Variants in LRP2BP observed in about 807,000 individuals in gnomAD.
LRP2BP encodes the protein LRP2 binding protein.
LRP2BP carries 38 observed loss-of-function variants against 45.2 expected under a neutral mutation model. The ratio of observed to expected loss-of-function variants is 0.84; its 90% CI spans 0.65 to 1.10. The LOEUF (loss-of-function observed/expected upper bound fraction) is 1.10, where lower values mean the gene tolerates loss of function less well. Among genes scored for constraint, LRP2BP ranks in the 50% least tolerant of loss-of-function variants. The pLI, the probability that LRP2BP is intolerant of heterozygous loss-of-function variation, is 0.00. For synonymous variants in LRP2BP, 153 were observed against 153.9 expected, an observed-to-expected ratio of 0.99 and a Z score of 0.04; for missense variants, 385 against 418.9, an observed-to-expected ratio of 0.92 and a Z score of 0.71.
chr4:185,395,556 T>C lies in LRP2BP; in HGVS notation c.-799A>G. The C allele has an allele frequency of 3.1e-6, 3 of 982,348 alleles. No homozygotes were observed. The highest frequency in any genetic ancestry group is 4.7e-5 in the South Asian group (1 of 21,196). The allele number at this position is 982,348 out of a possible 1,614,324, so 60.9% of individuals were successfully genotyped here. Reference sequence around the variant, plus strand: ...CATCATTAAAAGATATTGTGAATAGTTTAAATATTAAAAATGTGGAATATA... The same window carrying C: ...CATCATTAAAAGATATTGTGAATAGCTTAAATATTAAAAATGTGGAATATA... On this transcript the variant is annotated 5_prime_UTR_variant, in exon 1 of 9. Coordinates refer to ENST00000505916, the MANE Select transcript of LRP2BP (RefSeq NM_001377440.1).
In LRP2BP at chr4:185,377,024, T is replaced by C. The variant is rs2095440387; in HGVS notation, c.107-6A>G. The C allele has an allele frequency of 6.3e-7, 1 of 1,583,648 alleles. No homozygotes were observed. Among genetic ancestry groups the C allele is most frequent in the Non-Finnish European group, 8.7e-7 (1 of 1,152,336 alleles). On this transcript the variant is annotated splice_region_variant and splice_polypyrimidine_tract_variant and intron_variant, in intron 2 of 8. Coordinates refer to ENST00000505916, the MANE Select transcript of LRP2BP (RefSeq NM_001377440.1). ...CAAATTAGCATGGGTGTAATCTGAT[T>C]TTAAAAAGGTAAGGAATTCCATCAA...
At chr4:185,396,871 T>A (rs901698461), upstream of LRP2BP, 89 of 1,595,984 alleles carry the variant, frequency 5.6e-5, 1 homozygote, top group South Asian at 5.0e-4. Context: ...GTGCGGCGAG[T>A]GTCTCACCTC....
intron 8 of LRP2BP, among the ~76,000 whole-genome samples, chr4:185,368,730 T>G (rs2095401800): frequency 6.6e-6 from 1 of 152,130 alleles, no homozygotes; most frequent in Non-Finnish European, 1.5e-5. Flanking sequence ...GTATCCTAGT[T>G]GCAGAGTAAT....
At position 185,395,503 on chromosome 4, in the gene LRP2BP, CAGT is replaced by C. The variant is rs2126860921; in HGVS notation, c.-749_-747del. 1.0e-6 allele frequency: 1 copy of C among 985,236 alleles called. No homozygotes were observed. Among genetic ancestry groups the C allele is most frequent in the South Asian group, 4.7e-5 (1 of 21,284 alleles). The allele number at this position is 985,236 out of a possible 1,614,324, so 61.0% of individuals were successfully genotyped here. A position where few individuals can be genotyped will look rare whatever the true frequency, so the allele number is the denominator to read the frequency against. Reference sequence around the variant, plus strand: ...TGTGCTCACCTCACAAATCTGACAACAGTATCTCTACACTGCCGTTCTTTAAAC... The same window carrying C: ...TGTGCTCACCTCACAAATCTGACAACATCTCTACACTGCCGTTCTTTAAAC... On this transcript the variant is annotated 5_prime_UTR_variant, in exon 1 of 9. It adds an upstream start codon to the 5' untranslated region. Transcript: ENST00000505916.
At position 185,364,677 on chromosome 4, in the gene LRP2BP, T is replaced by G. The variant is rs560901570; in HGVS notation, c.*2503A>C. 1 of 152,322 alleles carries G rather than the reference T, an allele frequency of 6.6e-6. No homozygotes were observed. The highest frequency in any genetic ancestry group is 2.1e-4 in the South Asian group (1 of 4,830). 9.4% of individuals were successfully genotyped at this position (152,322 alleles called of 1,614,324 possible). ...TAGTTATAGCTTTTTTATCCTTTTT[T>G]CAAACCATGATGATATTTGACACTT... On this transcript the variant is annotated 3_prime_UTR_variant, in exon 9 of 9. Coordinates refer to ENST00000505916, the MANE Select transcript of LRP2BP (RefSeq NM_001377440.1).
chr4:185,375,455 CAAAAAAAAAAAAAAAA>C (rs1193760497), intron 4 of LRP2BP, among the ~76,000 whole-genome samples, 142 bp downstream of exon 4: 3 of 14,768 alleles, frequency 2.0e-4, no homozygotes, highest in East Asian at 4.5e-3. Flanking sequence ...GACTCCGTCT[CAAAAAAAAAAAAAAAA>C]AAAAAAAAAA....
chr4:185,395,494 A>ATC lies in LRP2BP; in HGVS notation c.-739_-738dup. The ATC allele has an allele frequency of 1.0e-6, 1 of 985,310 alleles. No individual in the cohort carries two copies. Among genetic ancestry groups the ATC allele is most frequent in the Non-Finnish European group, 1.2e-6 (1 of 829,772 alleles). 61.0% of individuals were successfully genotyped at this position (985,310 alleles called of 1,614,324 possible). On this transcript the variant is annotated 5_prime_UTR_variant, in exon 1 of 9. An upstream open reading frame in the 5' UTR gains an earlier in-frame stop. Transcript: ENST00000505916. Reference sequence around the variant, plus strand: ...ATATCAACGTGTGCTCACCTCACAAATCTGACAACAGTATCTCTACACTGC... The same window carrying ATC: ...ATATCAACGTGTGCTCACCTCACAAATCTCTGACAACAGTATCTCTACACTGC...
rs1402713455 is a variant in LRP2BP at position 185,366,131 on chromosome 4, T to C, written c.*1049A>G. 1 of 152,262 alleles carries C rather than the reference T, an allele frequency of 6.6e-6. No individual in the cohort carries two copies. The highest frequency in any genetic ancestry group is 1.5e-5 in the Non-Finnish European group (1 of 68,050). The allele number at this position is 152,262 out of a possible 1,614,324, so 9.4% of individuals were successfully genotyped here. ...GTATCTCTGAGACCTGTCTTCGATA[T>C]GTATATTTGTTTCACAAATGAATAG... On this transcript the variant is annotated 3_prime_UTR_variant, in exon 9 of 9. Coordinates refer to ENST00000505916, the MANE Select transcript of LRP2BP (RefSeq NM_001377440.1).
intron 1 of LRP2BP, among the ~76,000 whole-genome samples, chr4:185,380,040 C>G (rs750246518): frequency 5.3e-5 from 8 of 152,192 alleles, no homozygotes; most frequent in Non-Finnish European, 8.8e-5. Flanking sequence ...GCAGGCTGGT[C>G]TCAAGTTCCT....
At chr4:185,379,014 A>T in intron 1 of LRP2BP, 1 of 980,220 alleles carries the variant, frequency 1.0e-6, no homozygotes, top group Non-Finnish European at 1.2e-6. Flanking sequence ...TAGACAATAA[A>T]TTGCTTAAGT....
intron 8 of LRP2BP, 33 bp downstream of exon 8, chr4:185,370,605 CTT>C (rs1190611015): frequency 5.0e-6 from 8 of 1,601,754 alleles, no homozygotes; most frequent in Non-Finnish European, 4.3e-6. Flanking sequence ...GGCAGTTTCT[CTT>C]TGGGTGAATT....
chr4:185,390,380 G>A (rs764706270), intron 1 of LRP2BP, among the ~76,000 whole-genome samples: 5 of 152,126 alleles, frequency 3.3e-5, no homozygotes, highest in Non-Finnish European at 5.9e-5. Flanking sequence ...ATAGCTGGGC[G>A]TAGTAGCCCA....
intron 1 of LRP2BP, among the ~76,000 whole-genome samples, chr4:185,386,753 G>A (rs1214067455): frequency 2.6e-5 from 4 of 152,190 alleles, no homozygotes; most frequent in African/African-American, 9.7e-5. Flanking sequence ...AAACGGAGGA[G>A]TCAGTAGAAA....
At chr4:185,396,957 T>C (rs552289467), upstream of LRP2BP, 5 of 1,613,574 alleles carry the variant, frequency 3.1e-6, no homozygotes, top group Non-Finnish European at 4.2e-6. Flanking sequence ...CGAGGTGAGA[T>C]TCGGGCTCAC....
At chr4:185,383,288 G>A (rs1342781858) in intron 1 of LRP2BP, among the ~76,000 whole-genome samples, 3 of 152,212 alleles carry the variant, frequency 2.0e-5, no homozygotes, top group East Asian at 1.9e-4. Flanking sequence ...ACAGGGCAAC[G>A]TAGTGAGGCC....
At chr4:185,381,413 G>T (rs2095455856) in intron 1 of LRP2BP, among the ~76,000 whole-genome samples, 1 of 152,018 alleles carries the variant, frequency 6.6e-6, no homozygotes, top group Admixed American at 6.6e-5. Flanking sequence ...TTTTTGTTGC[G>T]GATAAACATA....
At chr4:185,387,614 T>G (rs1039549319) in intron 1 of LRP2BP, among the ~76,000 whole-genome samples, 9 of 152,226 alleles carry the variant, frequency 5.9e-5, no homozygotes, top group Non-Finnish European at 1.3e-4. Context: ...TGGACCTGCA[T>G]GTTTCTCTTC....
chr4:185,374,550 C>T, intron 4 of LRP2BP, 89 bp from the exon 5 acceptor site: 4 of 1,354,602 alleles, frequency 3.0e-6, no homozygotes, highest in Non-Finnish European at 4.1e-6. Context: ...GAAGTGTCCG[C>T]CCTCTGACAC....
chr4:185,367,028 C>G lies in LRP2BP; in HGVS notation c.*152G>C. The G allele has an allele frequency of 1.4e-6, 1 of 697,492 alleles. No individual in the cohort carries two copies. Among genetic ancestry groups the G allele is most frequent in the East Asian group, 2.6e-5 (1 of 37,830 alleles). The allele number at this position is 697,492 out of a possible 1,614,324, so 43.2% of individuals were successfully genotyped here. A position where few individuals can be genotyped will look rare whatever the true frequency, so the allele number is the denominator to read the frequency against. The stretch of plus-strand genomic sequence containing the variant: ...GGTTTCAAGTTGCAAAACTTAACAG[C>G]GTACGAATTCAAGAACGAAGTAACA... On this transcript the variant is annotated 3_prime_UTR_variant, in exon 9 of 9. Coordinates refer to ENST00000505916, the MANE Select transcript of LRP2BP (RefSeq NM_001377440.1).
Sources: allele counts gnomAD v4.1 joint callset (sites outside exome capture counted in the v4.1 genomes callset), GRCh38; gene constraint gnomAD v4.1.1; transcripts MANE v1.5; gene names NCBI Gene and HGNC (gene_info 2026-07-23, HGNC 2026-07-21).